Variants in SUGCT observed in about 807,000 individuals in gnomAD.
The protein encoded by SUGCT is succinyl-CoA:glutarate-CoA transferase.
In SUGCT, 41 loss-of-function variants were observed where a neutral mutation model predicts 55.0. The observed-to-expected ratio is 0.74, with a 90% CI of 0.58 to 0.97. SUGCT has a LOEUF of 0.97. Among genes scored for constraint, SUGCT ranks in the 50% least tolerant of loss-of-function variants. SUGCT has a pLI of 0.00. For synonymous variants in SUGCT, 187 were observed against 200.4 expected (o/e 0.93, Z 0.56); for missense variants, 568 against 547.8 (o/e 1.04, Z -0.37).
rs936024125 is a variant in SUGCT at position 40,587,510 on chromosome 7, A to G, written c.1089+91124A>G. On this transcript the variant is annotated intron_variant, in intron 12 of 13. Transcript: ENST00000335693. ...ATGATGTAGAAATTAAAAATTCATA[A>G]AAGTGATGTGTGTGTGTACCTAAAG... is the stretch of plus-strand genomic sequence containing the variant. Among the ~76,000 whole-genome samples, 6 of 152,350 alleles carry G rather than the reference A, an allele frequency of 3.9e-5. No homozygotes were observed. In the East Asian group the frequency reaches 1.2e-3, roughly 29 times the overall value.
At chr7:40,333,907 C>T (rs539921181) in intron 9 of SUGCT, among the ~76,000 whole-genome samples, 9 of 151,578 alleles carry the variant, frequency 5.9e-5, no homozygotes, top group African/African-American at 1.7e-4. Flanking sequence ...CCCCACTCCC[C>T]GCACCCCACG....
intron 6 of SUGCT, among the ~76,000 whole-genome samples, chr7:40,198,913 G>A (rs1369472224): frequency 6.6e-6 from 1 of 151,908 alleles, no homozygotes; most frequent in Admixed American, 6.6e-5. Context: ...AGAATTGCAT[G>A]AACCTGGAGG....
At chr7:40,425,219 A>G (rs544064896) in intron 9 of SUGCT, among the ~76,000 whole-genome samples, 1 of 152,206 alleles carries the variant, frequency 6.6e-6, no homozygotes, top group East Asian at 1.9e-4. Context: ...ACCTTATAAA[A>G]TGTCCTCATT....
intron 3 of SUGCT, among the ~76,000 whole-genome samples, chr7:40,183,961 C>T (rs1785357670): frequency 6.6e-6 from 1 of 152,076 alleles, no homozygotes; most frequent in Non-Finnish European, 1.5e-5. Context: ...ATCGTTTGAG[C>T]CCAGGAGTTC....
At chr7:40,739,162 T>G (rs1787331965) in intron 12 of SUGCT, among the ~76,000 whole-genome samples, 1 of 152,146 alleles carries the variant, frequency 6.6e-6, no homozygotes, top group Non-Finnish European at 1.5e-5. Context: ...GCATTGACAT[T>G]GATATAGTCA....
intron 13 of SUGCT, among the ~76,000 whole-genome samples, chr7:40,831,575 C>G (rs552393444): frequency 2.6e-5 from 4 of 152,298 alleles, no homozygotes; most frequent in South Asian, 4.1e-4. Context: ...TTGCAGTCAT[C>G]CTTGAAGCCC....
At chr7:40,551,314 A>G (rs1458408420) in intron 12 of SUGCT, among the ~76,000 whole-genome samples, 1 of 151,954 alleles carries the variant, frequency 6.6e-6, no homozygotes, top group Non-Finnish European at 1.5e-5. Context: ...CGTTCTATTT[A>G]TTTTCCTTAG....
At chr7:40,249,337 A>AAT (rs1554296371) in intron 7 of SUGCT, among the ~76,000 whole-genome samples, 12 of 113,682 alleles carry the variant, frequency 1.1e-4, no homozygotes, top group African/African-American at 3.3e-4. Context: ...ATATATATAT[A>AAT]TATATATATA....
intron 11 of SUGCT, among the ~76,000 whole-genome samples, chr7:40,469,751 T>C (rs1051007893): frequency 6.6e-6 from 1 of 151,854 alleles, no homozygotes; most frequent in African/African-American, 2.4e-5. Context: ...CTATAAACCA[T>C]TCCACACTAC....
At chr7:40,297,582 A>G in intron 8 of SUGCT, among the ~76,000 whole-genome samples, 1 of 147,356 alleles carries the variant, frequency 6.8e-6, no homozygotes, top group African/African-American at 2.7e-5. Flanking sequence ...TCTTTCGCTA[A>G]AAGAGATCTT....
chr7:40,234,186 G>C (rs1217586402), intron 6 of SUGCT, among the ~76,000 whole-genome samples: 1 of 152,224 alleles, frequency 6.6e-6, no homozygotes, highest in Non-Finnish European at 1.5e-5. Context: ...CTGGCCAGAA[G>C]CACCTGATTT....
intron 9 of SUGCT, among the ~76,000 whole-genome samples, chr7:40,366,875 G>T (rs529429213): frequency 1.3e-5 from 2 of 152,074 alleles, no homozygotes; most frequent in African/African-American, 4.8e-5. Context: ...CAGGGATCTC[G>T]AACTAGAAAT....
At chr7:40,555,489 C>G (rs1045403601) in intron 12 of SUGCT, among the ~76,000 whole-genome samples, 57 of 151,956 alleles carry the variant, frequency 3.8e-4, no homozygotes, top group African/African-American at 1.3e-3. Context: ...TCCCAGGTGG[C>G]CTGATGTCTA....
intron 12 of SUGCT, among the ~76,000 whole-genome samples, chr7:40,600,134 C>T (rs1450068446): frequency 6.6e-6 from 1 of 152,216 alleles, no homozygotes; most frequent in South Asian, 2.1e-4. Flanking sequence ...GTCACAGCCT[C>T]TTCCTGGATG....
At chr7:40,712,643 C>T (rs984950825) in intron 12 of SUGCT, among the ~76,000 whole-genome samples, 2 of 152,166 alleles carry the variant, frequency 1.3e-5, no homozygotes, top group African/African-American at 4.8e-5. Flanking sequence ...TTAGAACTAC[C>T]AGTTAATTGC....
Position 40,456,968 on chromosome 7 carries a change from A to G in SUGCT, c.889-2133A>G, listed in dbSNP as rs78739381. 2.2e-4 allele frequency among the ~76,000 whole-genome samples: 34 copies of G among 152,260 alleles called. No individual in the cohort carries two copies. In the East Asian group the frequency reaches 6.2e-3, roughly 28 times the overall value. ...TTAAGGGGAACATTAGATGATAGGC[A>G]TGTTAAAACACTTGCAGTTTTTATT... On this transcript the variant is annotated intron_variant, in intron 10 of 13. Transcript: ENST00000335693.
chr7:40,853,262 A>G (rs1793947264), intron 13 of SUGCT, among the ~76,000 whole-genome samples: 1 of 152,174 alleles, frequency 6.6e-6, no homozygotes, highest in African/African-American at 2.4e-5. Flanking sequence ...ACTATGTGTA[A>G]TAATATCACA....
At chr7:40,828,070 T>C (rs1792435232) in intron 13 of SUGCT, among the ~76,000 whole-genome samples, 1 of 152,160 alleles carries the variant, frequency 6.6e-6, no homozygotes, top group Admixed American at 6.5e-5. Flanking sequence ...AGAGCTTAAA[T>C]CCAAACATTG....
the SUGCT span, among the ~76,000 whole-genome samples, chr7:41,010,959 A>G: frequency 1.3e-5 from 2 of 152,224 alleles, no homozygotes; most frequent in African/African-American, 2.4e-5. Context: ...GAAAATATGA[A>G]TGGTTAAAAA....
Sources: allele counts gnomAD v4.1 joint callset (sites outside exome capture counted in the v4.1 genomes callset), GRCh38; gene constraint gnomAD v4.1.1; transcripts MANE v1.5; gene names NCBI Gene and HGNC (gene_info 2026-07-23, HGNC 2026-07-21).